The following FNIP2 variants were observed in gnomAD, a reference collection of about 807,000 sequenced individuals.
The protein encoded by FNIP2 is folliculin interacting protein 2.
FNIP2 carries 32 observed loss-of-function variants against 108.7 expected under a neutral mutation model. The ratio of observed to expected loss-of-function variants is 0.29; its 90% CI spans 0.22 to 0.40. The LOEUF (loss-of-function observed/expected upper bound fraction) is 0.40, where lower values mean the gene tolerates loss of function less well. Ranked by LOEUF, FNIP2 falls within the 10% of genes least tolerant of loss-of-function variation. The pLI is 1.00. For missense variants in FNIP2, 1,202 were observed against 1,381.6 expected (o/e 0.87, Z 2.06); for synonymous variants, 480 against 496.7 (o/e 0.97, Z 0.45).
At chr4:158,818,402 T>C (rs1777692140) in intron 1 of FNIP2, among the ~76,000 whole-genome samples, 1 of 152,238 alleles carries the variant, frequency 6.6e-6, no homozygotes, top group Non-Finnish European at 1.5e-5. Flanking sequence ...CTTTTGTCCT[T>C]TTCTCAGACA....
rs565971881 is a variant in FNIP2 at position 158,895,465 on chromosome 4, C to T, written c.3151-285C>T. On this transcript the variant is annotated intron_variant, in intron 15 of 16. Transcript: ENST00000264433. ...TATAAAGTTTTTTAAAGGCAAGAAA[C>T]ACTTTTGGAATGATTTCAACTATGA... Among the ~76,000 whole-genome samples, 6 of 152,176 alleles carry T rather than the reference C, an allele frequency of 3.9e-5. No individual in the cohort carries two copies. In the South Asian group the frequency reaches 1.2e-3, roughly 32 times the overall value.
intron 1 of FNIP2, among the ~76,000 whole-genome samples, chr4:158,781,358 T>C (rs987499440): frequency 2.0e-5 from 3 of 152,202 alleles, no homozygotes; most frequent in Non-Finnish European, 4.4e-5. Flanking sequence ...AGTGTTCTTG[T>C]GAGGCAAGAT....
At chr4:158,808,834 C>T (rs1777113733) in intron 1 of FNIP2, 1 of 152,018 alleles carries the variant, frequency 6.6e-6, no homozygotes. Flanking sequence ...CATGATTTTC[C>T]AGTAACTGAA....
intron 1 of FNIP2, among the ~76,000 whole-genome samples, chr4:158,772,239 C>CA (rs889497497): frequency 1.3e-5 from 2 of 151,752 alleles, no homozygotes; most frequent in African/African-American, 2.4e-5. Context: ...TAAATTAGGA[C>CA]AAAAAAAATG....
intron 7 of FNIP2, among the ~76,000 whole-genome samples, chr4:158,850,892 G>T (rs1236715768): frequency 6.6e-6 from 1 of 151,764 alleles, no homozygotes; most frequent in Non-Finnish European, 1.5e-5. Context: ...TGTAATATGG[G>T]CCTGCTAATT....
intron 14 of FNIP2, chr4:158,872,051 G>A (rs565539800): frequency 2.0e-6 from 2 of 984,912 alleles, no homozygotes; most frequent in South Asian, 9.4e-5. Context: ...AACAATATTG[G>A]TGTTGGTTAT....
chr4:158,769,114 C>G lies in FNIP2; in HGVS notation c.-99C>G, dbSNP rs974115417. On this transcript the variant is annotated 5_prime_UTR_variant, in exon 1 of 17. Transcript: ENST00000264433. The stretch of plus-strand genomic sequence containing the variant: ...GCGCTCCCGCAAGGCTGGGCGGCCG[C>G]GCCGCCGCGATGGCCCCGCCACCGC... 5.6e-6 allele frequency: 2 copies of G among 357,282 alleles called. No homozygotes were observed. The highest frequency in any genetic ancestry group is 2.2e-5 in the African/African-American group (1 of 44,666). The allele number at this position is 357,282 out of a possible 1,614,324, so 22.1% of individuals were successfully genotyped here.
At chr4:158,881,961 G>T (rs1781669466) in intron 14 of FNIP2, among the ~76,000 whole-genome samples, 1 of 151,698 alleles carries the variant, frequency 6.6e-6, no homozygotes, top group African/African-American at 2.4e-5. Context: ...AGTCTGGGAA[G>T]TGAGGAGCGC....
rs1391595028 is a variant in FNIP2 at position 158,869,346 on chromosome 4, G to A, written c.2710G>A (p.Ala904Thr). The A allele has an allele frequency of 6.2e-7, 1 of 1,613,172 alleles. No individual in the cohort carries two copies. The change falls in exon 13 of 17, where the codon GCC becomes ACC. Residue 904 changes from alanine (A) to threonine (T), a missense_variant. Around this residue, in one of 5 missense-constraint regions of FNIP2, gnomAD observed 878 missense variants for 990.3 expected, o/e 0.89. Transcript: ENST00000264433. Reference protein sequence around the residue: ...DSALGDSDDEACASAMLDLGH... With the variant: ...DSALGDSDDETCASAMLDLGH... Reference sequence around the variant, plus strand: ...CGCCCTGGGAGACAGTGACGACGAAGCCTGCGCTTCAGCCATGCTAGATCT... The same window carrying A: ...CGCCCTGGGAGACAGTGACGACGAAACCTGCGCTTCAGCCATGCTAGATCT...
At chr4:158,790,882 CT>C in intron 1 of FNIP2, among the ~76,000 whole-genome samples, 2 of 150,152 alleles carry the variant, frequency 1.3e-5, no homozygotes, top group Admixed American at 1.3e-4. Context: ...GGATTTGTAT[CT>C]TCTTATTTGG....
rs531617986 is a variant in FNIP2, at chr4:158,899,109, C to G, written c.3266+3244C>G. On this transcript the variant is annotated intron_variant, in intron 16 of 16. Coordinates refer to ENST00000264433, the MANE Select transcript of FNIP2 (RefSeq NM_020840.3). ...GCATCTATTGAGATGAGATAATCAT[C>G]TGGTTTTTGTCACTGGTTTTGTTTA... 5.3e-5 allele frequency among the ~76,000 whole-genome samples: 8 copies of G among 152,040 alleles called. No homozygotes were observed. The East Asian group carries it at 1.5e-3, about 29-fold the overall frequency.
intron 1 of FNIP2, among the ~76,000 whole-genome samples, chr4:158,802,522 C>T (rs1776797668): frequency 6.6e-6 from 1 of 152,110 alleles, no homozygotes; most frequent in Admixed American, 6.6e-5. Flanking sequence ...CTACGTTTCT[C>T]AATTGTTGCT....
chr4:158,871,259 T>C (rs906878563), intron 14 of FNIP2, among the ~76,000 whole-genome samples: 1 of 152,240 alleles, frequency 6.6e-6, no homozygotes, highest in African/African-American at 2.4e-5. Flanking sequence ...CTGATGGGCC[T>C]GTTTTTAACT....
chr4:158,842,295 AT>A (rs1430262325), intron 7 of FNIP2, among the ~76,000 whole-genome samples: 2 of 152,246 alleles, frequency 1.3e-5, no homozygotes, highest in East Asian at 3.8e-4. Flanking sequence ...CTAAGAAAAA[AT>A]ATGTGATACT....
chr4:158,779,104 A>G (rs967226289), intron 1 of FNIP2, among the ~76,000 whole-genome samples: 8 of 152,222 alleles, frequency 5.3e-5, no homozygotes, highest in Non-Finnish European at 2.9e-5. Context: ...GTCTAGTTCA[A>G]CATGTGTGCA....
In FNIP2 at chr4:158,868,907, G is replaced by A; in HGVS notation, c.2271G>A (p.Val757=). The change falls in exon 13 of 17, where the codon GTG becomes GTA. Residue 757 remains valine (V), a synonymous_variant. Transcript: ENST00000264433. This position sits in a 1 kb window ranked among gnomAD's most constrained non-coding sequence, Gnocchi z 4.6. ...PSLEASEAAD[V]AQDPQVSRSP... is the part of the protein sequence containing the mutation. The stretch of plus-strand genomic sequence containing the variant: ...TGGAGGCCAGTGAGGCTGCTGATGT[G>A]GCTCAGGACCCGCAGGTTTCTAGGA... 6.2e-7 allele frequency: 1 copy of A among 1,614,018 alleles called. No individual in the cohort carries two copies. The highest frequency in any genetic ancestry group is 8.5e-7 in the Non-Finnish European group (1 of 1,179,902).
chr4:158,860,585 G>A (rs146074417), intron 10 of FNIP2, among the ~76,000 whole-genome samples: 126 of 151,450 alleles, frequency 8.3e-4, no homozygotes, highest in African/African-American at 2.4e-3. Context: ...AAGCACTGGA[G>A]ATTTGCCTGT....
chr4:158,810,394 G>A (rs1002086696), intron 1 of FNIP2, among the ~76,000 whole-genome samples: 2 of 152,184 alleles, frequency 1.3e-5, no homozygotes, highest in African/African-American at 2.4e-5. Context: ...GTGGTCACAC[G>A]TTCTTCTGCG....
At chr4:158,810,729 A>G (rs1777224116) in intron 1 of FNIP2, among the ~76,000 whole-genome samples, 1 of 152,226 alleles carries the variant, frequency 6.6e-6, no homozygotes, top group Admixed American at 6.5e-5. Flanking sequence ...AGGGTAAAGC[A>G]CTTGTTATTA....
Sources: gnomAD v4.1 joint callset for allele counts (sites outside exome capture counted in the v4.1 genomes callset) on GRCh38, gnomAD v4.1.1 for gene constraint, gnomAD v4.1.1 regional missense constraint, Gnocchi (gnomAD v3.1) non-coding constraint, MANE v1.5 for transcripts, NCBI Gene and HGNC (gene_info 2026-07-23, HGNC 2026-07-21) for gene names.